The following SPOCK1 variants were observed in gnomAD, a reference collection of about 807,000 sequenced individuals.
The protein encoded by SPOCK1 is SPARC (osteonectin), cwcv and kazal like domains proteoglycan 1, also known as testican-1.
SPOCK1 carries 23 observed loss-of-function variants against 55.3 expected under a neutral mutation model. That is an observed-to-expected ratio of 0.42 (90% CI 0.30 to 0.59). The LOEUF is 0.59. SPOCK1 is among the 20% of genes least tolerant of loss of function. The pLI is 0.22. For synonymous variants in SPOCK1, 226 were observed against 221.0 expected, an observed-to-expected ratio of 1.02 and a Z score of -0.20; for missense variants, 499 against 552.5, an observed-to-expected ratio of 0.90 and a Z score of 0.97.
intron 2 of SPOCK1, among the ~76,000 whole-genome samples, chr5:137,470,786 C>G (rs890165324): frequency 3.3e-5 from 5 of 152,212 alleles, no homozygotes; most frequent in Non-Finnish European, 7.3e-5. Context: ...GCTGCCCTCT[C>G]TCCAGTACTA....
chr5:137,486,822 A>G (rs935188213), intron 2 of SPOCK1, among the ~76,000 whole-genome samples: 7 of 152,246 alleles, frequency 4.6e-5, no homozygotes, highest in African/African-American at 1.7e-4. Flanking sequence ...ATAGAATTTG[A>G]CCGTCTTAGT....
chr5:137,116,127 C>T (rs1448694444), intron 4 of SPOCK1, among the ~76,000 whole-genome samples: 1 of 152,172 alleles, frequency 6.6e-6, no homozygotes, highest in East Asian at 1.9e-4. Context: ...GCCACATCTC[C>T]TGCAGGCTGA....
chr5:137,415,670 T>C (rs1561529552), intron 2 of SPOCK1, among the ~76,000 whole-genome samples: 1 of 152,214 alleles, frequency 6.6e-6, no homozygotes. Context: ...CCTGGTCAAC[T>C]GCCCAGATGA....
At chr5:137,179,286 A>G (rs1213321357) in intron 3 of SPOCK1, among the ~76,000 whole-genome samples, 2 of 152,204 alleles carry the variant, frequency 1.3e-5, no homozygotes, top group Non-Finnish European at 2.9e-5. Context: ...AAATAAAGGC[A>G]CCAGCTCTGA....
intron 2 of SPOCK1, among the ~76,000 whole-genome samples, chr5:137,374,575 G>A (rs1297994912): frequency 2.0e-5 from 3 of 152,164 alleles, no homozygotes; most frequent in East Asian, 3.9e-4. Context: ...AGTGAGGGCT[G>A]TGATTCTGCT....
intron 8 of SPOCK1, among the ~76,000 whole-genome samples, chr5:136,986,088 G>T (rs2126960565): frequency 6.6e-6 from 1 of 152,248 alleles, no homozygotes; most frequent in Admixed American, 6.5e-5. Flanking sequence ...ACCTGGTCTT[G>T]CTGCTTGTTC....
chr5:137,338,936 G>A (rs1750352539), intron 2 of SPOCK1, among the ~76,000 whole-genome samples: 1 of 152,160 alleles, frequency 6.6e-6, no homozygotes, highest in African/African-American at 2.4e-5. Context: ...CAAAGGGACT[G>A]TCAATGCCTG....
At chr5:137,021,436 T>G (rs1419219471) in intron 6 of SPOCK1, among the ~76,000 whole-genome samples, 1 of 151,960 alleles carries the variant, frequency 6.6e-6, no homozygotes, top group African/African-American at 2.4e-5. Context: ...GAGGATGGGG[T>G]TAGGAGGTGA....
chr5:137,415,274 A>C (rs969029785), intron 2 of SPOCK1, among the ~76,000 whole-genome samples: 1 of 152,220 alleles, frequency 6.6e-6, no homozygotes, highest in Non-Finnish European at 1.5e-5. Context: ...TATTACAAGC[A>C]CACAAATATT....
chr5:137,267,474 G>A (rs922171939), intron 2 of SPOCK1, among the ~76,000 whole-genome samples: 1 of 152,070 alleles, frequency 6.6e-6, no homozygotes, highest in African/African-American at 2.4e-5. Flanking sequence ...ATACAGACAC[G>A]CATCTTGTGG....
intron 3 of SPOCK1, among the ~76,000 whole-genome samples, chr5:137,171,183 C>T (rs965922230): frequency 9.2e-5 from 14 of 152,190 alleles, no homozygotes; most frequent in East Asian, 1.9e-4. Flanking sequence ...TGTGTCCTGA[C>T]AATCTGCTCT....
chr5:137,167,304 C>G (rs926797859), intron 3 of SPOCK1, among the ~76,000 whole-genome samples: 1 of 151,994 alleles, frequency 6.6e-6, no homozygotes, highest in East Asian at 1.9e-4. Context: ...AAAACTGGAG[C>G]ACCCAGATAT....
intron 2 of SPOCK1, among the ~76,000 whole-genome samples, chr5:137,406,588 T>A (rs1268166017): frequency 6.6e-6 from 1 of 152,184 alleles, no homozygotes; most frequent in Non-Finnish European, 1.5e-5. Context: ...AGGGCAACCC[T>A]TCAGAACTAG....
At chr5:137,479,656 T>C (rs1417457027) in intron 2 of SPOCK1, among the ~76,000 whole-genome samples, 1 of 152,238 alleles carries the variant, frequency 6.6e-6, no homozygotes, top group Non-Finnish European at 1.5e-5. Context: ...TGATTGTGAA[T>C]GCACGGAGAT....
intron 2 of SPOCK1, among the ~76,000 whole-genome samples, chr5:137,314,099 C>G (rs1757835114): frequency 6.6e-6 from 1 of 151,700 alleles, no homozygotes; most frequent in South Asian, 2.1e-4. Context: ...GGCTTTCCTG[C>G]CCAGGGGCTT....
intron 2 of SPOCK1, among the ~76,000 whole-genome samples, chr5:137,379,224 G>A (rs1262224746): frequency 1.3e-5 from 2 of 149,216 alleles, no homozygotes; most frequent in Non-Finnish European, 1.5e-5. Context: ...CCCCTCCTTG[G>A]CCCTGCATGG....
chr5:137,414,507 T>C (rs773258418), intron 2 of SPOCK1, among the ~76,000 whole-genome samples: 1 of 152,204 alleles, frequency 6.6e-6, no homozygotes, highest in Non-Finnish European at 1.5e-5. Context: ...TCTTTATTAA[T>C]GATTTTAAAG....
intron 2 of SPOCK1, among the ~76,000 whole-genome samples, chr5:137,474,655 G>A (rs1012696441): frequency 2.6e-5 from 4 of 152,152 alleles, no homozygotes; most frequent in African/African-American, 9.7e-5. Context: ...CAGAAAGTGA[G>A]TGAGTGCTCA....
At chr5:137,094,103 T>C (rs1753098776) in intron 5 of SPOCK1, among the ~76,000 whole-genome samples, 1 of 152,158 alleles carries the variant, frequency 6.6e-6, no homozygotes, top group African/African-American at 2.4e-5. Context: ...AAGGATTGGT[T>C]GAACAAAATG....
Sources: gnomAD v4.1 joint callset for allele counts (sites outside exome capture counted in the v4.1 genomes callset) on GRCh38, gnomAD v4.1.1 for gene constraint, MANE v1.5 for transcripts, NCBI Gene and HGNC (gene_info 2026-07-23, HGNC 2026-07-21) for gene names.